PPEF1: variants seen among roughly 807,000 people sequenced by gnomAD.
The protein encoded by PPEF1 is protein phosphatase with EF-hand domain 1.
In PPEF1, 12 loss-of-function variants were observed where a neutral mutation model predicts 53.3. The ratio of observed to expected loss-of-function variants is 0.23; its 90% CI spans 0.14 to 0.36. PPEF1 has a LOEUF of 0.36. PPEF1 is among the 10% of genes least tolerant of loss of function. PPEF1 has a pLI of 1.00. For missense variants in PPEF1, 334 were observed against 490.4 expected (o/e 0.68, Z 3.01); for synonymous variants, 165 against 176.7 (o/e 0.93, Z 0.52).
At chrX:18,698,328 T>C (rs1193679529) in intron 5 of PPEF1, among the ~76,000 whole-genome samples, 2 of 112,388 alleles carry the variant, frequency 1.8e-5, no homozygotes, top group Non-Finnish European at 3.8e-5. Flanking sequence ...TTCTGAGTTT[T>C]CAACAAATCA....
intron 6 of PPEF1, among the ~76,000 whole-genome samples, chrX:18,764,724 C>T (rs1167760325): frequency 9.0e-6 from 1 of 111,393 alleles, no homozygotes; most frequent in Non-Finnish European, 1.9e-5. Context: ...ATGTGGAGAA[C>T]AACAACAAAC....
chrX:18,754,744 C>T (rs1480586212), intron 4 of PPEF1, among the ~76,000 whole-genome samples: 1 of 111,716 alleles, frequency 9.0e-6, no homozygotes, highest in East Asian at 2.8e-4. Context: ...ACTGTAGGCA[C>T]ATGCCATCAT....
chrX:18,710,853 C>T (rs772630703), intron 1 of PPEF1, among the ~76,000 whole-genome samples: 52 of 109,273 alleles, frequency 4.8e-4, no homozygotes, highest in African/African-American at 1.7e-3. Context: ...CAAAGGAAGT[C>T]ATTATATCAA....
intron 2 of PPEF1, among the ~76,000 whole-genome samples, chrX:18,732,387 T>C (rs188273265): frequency 1.5e-4 from 17 of 112,340 alleles, no homozygotes; most frequent in African/African-American, 4.5e-4. Flanking sequence ...GTGAGTGGAA[T>C]GTCATGTAGT....
At chrX:18,758,418 T>C (rs1293378892) in intron 5 of PPEF1, among the ~76,000 whole-genome samples, 3 of 111,983 alleles carry the variant, frequency 2.7e-5, no homozygotes, top group Non-Finnish European at 5.6e-5. Context: ...AAAACAGTGA[T>C]TGTTATTTTC....
intron 1 of PPEF1, among the ~76,000 whole-genome samples, chrX:18,677,035 C>CTTTTTT (rs763530257): frequency 4.4e-5 from 4 of 90,045 alleles, no homozygotes; most frequent in Non-Finnish European, 8.7e-5. Context: ...TCATCACAAT[C>CTTTTTT]TTTTTTTTTT....
At chrX:18,789,365 T>G (rs1355907254) in intron 10 of PPEF1, 92 bp downstream of exon 10, 1 of 870,904 alleles carries the variant, frequency 1.1e-6, no homozygotes, top group Non-Finnish European at 1.6e-6. Flanking sequence ...GACTTTACCT[T>G]TACGAGGAGA....
chrX:18,704,819 G>A (rs994429557), upstream of PPEF1, among the ~76,000 whole-genome samples: 1 of 111,412 alleles, frequency 9.0e-6, no homozygotes, highest in Non-Finnish European at 1.9e-5. Flanking sequence ...TGGGACTTGG[G>A]CATCAGTATT....
intron 9 of PPEF1, among the ~76,000 whole-genome samples, chrX:18,787,912 G>A (rs1426732464): frequency 1.8e-5 from 2 of 111,736 alleles, no homozygotes; most frequent in African/African-American, 3.3e-5. Flanking sequence ...GCTAGCAATA[G>A]CTGAGCTTGA....
chrX:18,804,933 G>A (rs1011602572), intron 11 of PPEF1, among the ~76,000 whole-genome samples: 4 of 111,554 alleles, frequency 3.6e-5, no homozygotes, highest in Non-Finnish European at 5.7e-5. Context: ...GGTGAGGACC[G>A]AGGAGCTGGT....
chrX:18,763,021 A>G (rs2045697831), intron 6 of PPEF1, among the ~76,000 whole-genome samples: 1 of 111,731 alleles, frequency 9.0e-6, no homozygotes, highest in African/African-American at 3.3e-5. Flanking sequence ...AGACCAACTC[A>G]AAATTAGAAA....
At chrX:18,722,581 T>G (rs1480102879) in intron 1 of PPEF1, among the ~76,000 whole-genome samples, 1 of 112,211 alleles carries the variant, frequency 8.9e-6, no homozygotes, top group Non-Finnish European at 1.9e-5. Context: ...CAAAGAGAAA[T>G]GTAAGACACA....
At chrX:18,683,960 C>T (rs1928971573) in intron 1 of PPEF1, among the ~76,000 whole-genome samples, 1 of 112,254 alleles carries the variant, frequency 8.9e-6, no homozygotes. Context: ...TTTAATGCTA[C>T]TGTTTAGTAG....
In PPEF1 at chrX:18,739,963, C is replaced by T. The variant is rs776839072; in HGVS notation, c.235+6155C>T. ...TGTGGGATATAATCTCCTAGTGTGCCATTTGCTAAGACCATTGGAAAAGTG... is the reference window on the plus strand; with the variant it reads ...TGTGGGATATAATCTCCTAGTGTGCTATTTGCTAAGACCATTGGAAAAGTG... On this transcript the variant is annotated intron_variant, in intron 3 of 15. Transcript: ENST00000470157. Among the ~76,000 whole-genome samples, 5 of 112,591 alleles carry T rather than the reference C, an allele frequency of 4.4e-5. No individual in the cohort carries two copies. In the East Asian group the frequency reaches 1.4e-3, roughly 32 times the overall value.
At chrX:18,721,128 C>T (rs2044581279) in intron 1 of PPEF1, among the ~76,000 whole-genome samples, 1 of 111,551 alleles carries the variant, frequency 9.0e-6, no homozygotes, top group South Asian at 3.7e-4. Context: ...CTCTTGTCTT[C>T]CCTTTCTTCC....
At chrX:18,722,134 T>C (rs2044601890) in intron 1 of PPEF1, among the ~76,000 whole-genome samples, 1 of 112,514 alleles carries the variant, frequency 8.9e-6, no homozygotes, top group South Asian at 3.7e-4. Flanking sequence ...TTCTGGCAGA[T>C]GGCAGATATA....
At chrX:18,764,704 G>C (rs1963054899) in intron 6 of PPEF1, among the ~76,000 whole-genome samples, 1 of 111,461 alleles carries the variant, frequency 9.0e-6, no homozygotes, top group South Asian at 3.8e-4. Context: ...GAAGGAGGAG[G>C]GGGCAGGGCA....
At chrX:18,797,113 G>A (rs745774122) in intron 10 of PPEF1, among the ~76,000 whole-genome samples, 1 of 111,585 alleles carries the variant, frequency 9.0e-6, no homozygotes, top group South Asian at 3.8e-4. Flanking sequence ...CCTCATTTCT[G>A]ATGTTTAATC....
intron 12 of PPEF1, among the ~76,000 whole-genome samples, chrX:18,816,990 C>A (rs2046929036): frequency 9.1e-6 from 1 of 110,497 alleles, no homozygotes; most frequent in Non-Finnish European, 1.9e-5. Flanking sequence ...GTTTCACAAT[C>A]TCTGCCTTTT....
Sources: gnomAD v4.1 joint callset for allele counts (sites outside exome capture counted in the v4.1 genomes callset) on GRCh38, gnomAD v4.1.1 for gene constraint, MANE v1.5 for transcripts, NCBI Gene and HGNC (gene_info 2026-07-23, HGNC 2026-07-21) for gene names.